MYLK4: variants seen among roughly 807,000 people sequenced by gnomAD.
MYLK4 encodes myosin light chain kinase family member 4.
Under a neutral mutation model 48.1 loss-of-function variants are expected in MYLK4, and 46 were observed. The observed-to-expected ratio is 0.96, with a 90% CI of 0.75 to 1.22. The LOEUF is 1.22. Ranked by LOEUF, MYLK4 falls within the 50% of genes most tolerant of loss-of-function variation. The pLI is 0.00. For synonymous variants in MYLK4, 170 were observed against 180.8 expected, an observed-to-expected ratio of 0.94 and a Z score of 0.48; for missense variants, 451 against 486.1, an observed-to-expected ratio of 0.93 and a Z score of 0.68.
At chr6:2,689,420 T>C (rs947871272) in intron 3 of MYLK4, among the ~76,000 whole-genome samples, 3 of 152,226 alleles carry the variant, frequency 2.0e-5, no homozygotes, top group Non-Finnish European at 4.4e-5. Flanking sequence ...TGCTTGATAT[T>C]ATATATTACT....
intron 2 of MYLK4, among the ~76,000 whole-genome samples, chr6:2,710,438 C>T (rs943488665): frequency 1.3e-5 from 2 of 152,160 alleles, no homozygotes; most frequent in African/African-American, 4.8e-5. Context: ...TCAGGTCTCC[C>T]AGACAGTATC....
intron 2 of MYLK4, among the ~76,000 whole-genome samples, chr6:2,714,413 A>G (rs1435475120): frequency 2.0e-5 from 3 of 152,250 alleles, no homozygotes; most frequent in Non-Finnish European, 4.4e-5. Context: ...ACAGTTGCCA[A>G]TACCCCACAC....
the MYLK4 span, among the ~76,000 whole-genome samples, chr6:2,763,409 T>C: frequency 2.6e-5 from 4 of 152,184 alleles, no homozygotes. Context: ...CAGGGAGGCT[T>C]GGGCCGCGCA....
upstream of MYLK4, among the ~76,000 whole-genome samples, chr6:2,753,122 T>C (rs917860617): frequency 1.6e-4 from 25 of 152,204 alleles, no homozygotes; most frequent in African/African-American, 5.3e-4. Context: ...TTTGGAGTTA[T>C]ACTTCTCTAA....
intron 2 of MYLK4, among the ~76,000 whole-genome samples, chr6:2,746,482 A>G (rs970084380): frequency 6.6e-6 from 1 of 152,232 alleles, no homozygotes; most frequent in Admixed American, 6.5e-5. Context: ...TCTGAGTTTT[A>G]TCAAACTATT....
chr6:2,749,738 GGAACCGCA>G (rs1764220056), intron 1 of MYLK4, among the ~76,000 whole-genome samples: 1 of 152,184 alleles, frequency 6.6e-6, no homozygotes, highest in African/African-American at 2.4e-5. Flanking sequence ...GGGTTTAATT[GGAACCGCA>G]GGTTTTGCAG....
intron 2 of MYLK4, among the ~76,000 whole-genome samples, chr6:2,745,935 AAAG>A (rs1764073342): frequency 6.6e-6 from 1 of 151,252 alleles, no homozygotes; most frequent in South Asian, 2.1e-4. Context: ...AAAAAAAAAA[AAAG>A]AAACAAACAA....
chr6:2,697,339 A>G (rs1298730554), intron 2 of MYLK4, among the ~76,000 whole-genome samples: 1 of 152,254 alleles, frequency 6.6e-6, no homozygotes, highest in Non-Finnish European at 1.5e-5. Context: ...TCCTTCTGCA[A>G]AGTACTGCTT....
the MYLK4 span, among the ~76,000 whole-genome samples, chr6:2,762,520 T>C: frequency 1.3e-5 from 2 of 152,228 alleles, no homozygotes; most frequent in African/African-American, 4.8e-5. Flanking sequence ...TCTATAAATG[T>C]TTAAAATCAG....
At chr6:2,751,461 A>G (rs1428983804), upstream of MYLK4, among the ~76,000 whole-genome samples, 1 of 152,250 alleles carries the variant, frequency 6.6e-6, no homozygotes, top group East Asian at 1.9e-4. Flanking sequence ...TAAATTTTTC[A>G]TAAATTCTCC....
At chr6:2,731,736 C>A (rs893062315) in intron 2 of MYLK4, among the ~76,000 whole-genome samples, 1 of 152,176 alleles carries the variant, frequency 6.6e-6, no homozygotes, top group Non-Finnish European at 1.5e-5. Flanking sequence ...CACACCCACC[C>A]GTTGGGTGCT....
intron 8 of MYLK4, 140 bp downstream of exon 8, chr6:2,680,081 A>T: frequency 1.0e-6 from 1 of 1,002,286 alleles, no homozygotes; most frequent in Non-Finnish European, 1.4e-6. Context: ...TTAGCAAGTT[A>T]AGGCCAAACA....
At position 2,663,870 on chromosome 6, in the gene MYLK4, G is replaced by A. The variant is rs1280560019; in HGVS notation, c.*4055C>T. 6.6e-6 allele frequency: 1 copy of A among 152,434 alleles called. No homozygotes were observed. The highest frequency in any genetic ancestry group is 1.9e-4 in the East Asian group (1 of 5,192). 9.4% of individuals were successfully genotyped at this position (152,434 alleles called of 1,614,324 possible). On this transcript the variant is annotated 3_prime_UTR_variant, in exon 13 of 13. Coordinates refer to ENST00000274643, the MANE Select transcript of MYLK4 (RefSeq NM_001012418.5). Reference sequence around the variant, plus strand: ...TGAGACGACAGCAAAATACACATTAGGTAACATATGAACGCTCACACAGCA... The same window carrying A: ...TGAGACGACAGCAAAATACACATTAAGTAACATATGAACGCTCACACAGCA...
chr6:2,755,595 G>A (rs1449099191), upstream of MYLK4, among the ~76,000 whole-genome samples: 1 of 152,122 alleles, frequency 6.6e-6, no homozygotes, highest in East Asian at 1.9e-4. Flanking sequence ...GTGCTGGAGT[G>A]CAGTGGCGTG....
intron 2 of MYLK4, among the ~76,000 whole-genome samples, chr6:2,748,303 G>T (rs1314632632): frequency 2.0e-5 from 3 of 152,146 alleles, no homozygotes; most frequent in African/African-American, 7.2e-5. Context: ...CAAATAACAC[G>T]AGGTTTCCCA....
intron 2 of MYLK4, among the ~76,000 whole-genome samples, chr6:2,742,983 G>T (rs578064148): frequency 1.3e-5 from 2 of 152,128 alleles, no homozygotes; most frequent in Admixed American, 6.6e-5. Context: ...GCACCCCAAA[G>T]GAATGAAAAT....
intron 9 of MYLK4, 21 bp from the exon 10 acceptor site, chr6:2,678,393 A>G (rs747573859): frequency 6.2e-7 from 1 of 1,611,666 alleles, no homozygotes; most frequent in South Asian, 1.1e-5. Flanking sequence ...CGGGGTCCAG[A>G]GTGAGTATTT....
chr6:2,720,792 A>G (rs1763041464), intron 2 of MYLK4, among the ~76,000 whole-genome samples: 1 of 152,266 alleles, frequency 6.6e-6, no homozygotes, highest in South Asian at 2.1e-4. Flanking sequence ...AATAAAAGCA[A>G]AAAGACAGGA....
intron 2 of MYLK4, among the ~76,000 whole-genome samples, chr6:2,739,880 AC>A (rs1763830641): frequency 6.6e-6 from 1 of 152,218 alleles, no homozygotes; most frequent in Admixed American, 6.5e-5. Context: ...CCTAAGAGCA[AC>A]CCTGTGCAGT....
Sources: allele counts gnomAD v4.1 joint callset (sites outside exome capture counted in the v4.1 genomes callset), GRCh38; gene constraint gnomAD v4.1.1; transcripts MANE v1.5; gene names NCBI Gene and HGNC (gene_info 2026-07-23, HGNC 2026-07-21).